The following DLC1 variants were observed in gnomAD, a reference collection of about 807,000 sequenced individuals.
DLC1 encodes the protein DLC1 Rho GTPase activating protein.
A neutral mutation model predicts 140.3 loss-of-function variants in DLC1; 54 were observed. That is an observed-to-expected ratio of 0.38 (90% CI 0.31 to 0.48). The LOEUF is 0.48. DLC1 is among the 20% of genes least tolerant of loss of function. The pLI, the probability that DLC1 is intolerant of heterozygous loss-of-function variation, is 0.96. For synonymous variants in DLC1, 986 were observed against 728.1 expected, an observed-to-expected ratio of 1.35 and a Z score of -5.70; for missense variants, 2,536 against 1,907.0, an observed-to-expected ratio of 1.33 and a Z score of -6.14.
intron 2 of DLC1, among the ~76,000 whole-genome samples, chr8:13,437,125 C>G (rs1428205335): frequency 6.6e-6 from 1 of 152,162 alleles, no homozygotes; most frequent in South Asian, 2.1e-4. Flanking sequence ...CCTCTTTTTG[C>G]TGTCTTCCTC....
chr8:13,346,508 C>T (rs966576013), intron 4 of DLC1, among the ~76,000 whole-genome samples: 8 of 152,172 alleles, frequency 5.3e-5, no homozygotes, highest in Admixed American at 1.3e-4. Flanking sequence ...AGCTAGATTG[C>T]CAAGTCTGTT....
intron 2 of DLC1, among the ~76,000 whole-genome samples, chr8:13,452,910 A>G (rs1245384526): frequency 2.0e-5 from 3 of 152,082 alleles, no homozygotes; most frequent in Non-Finnish European, 4.4e-5. Context: ...TAATTTCCGG[A>G]TGAGAATGGC....
intron 16 of DLC1, 130 bp downstream of exon 16, chr8:13,088,357 C>G (rs1817742131): frequency 9.2e-7 from 1 of 1,088,380 alleles, no homozygotes; most frequent in African/African-American, 1.6e-5. Context: ...GCTGGGATTA[C>G]AGGTGTGAGC....
chr8:13,347,541 C>T (rs1330020299), intron 4 of DLC1, among the ~76,000 whole-genome samples: 2 of 152,126 alleles, frequency 1.3e-5, no homozygotes, highest in African/African-American at 2.4e-5. Flanking sequence ...AATGATCATT[C>T]TTCCTGTGTA....
chr8:13,146,105 T>G (rs577207010), intron 5 of DLC1, among the ~76,000 whole-genome samples: 61 of 152,136 alleles, frequency 4.0e-4, no homozygotes, highest in African/African-American at 1.4e-3. Flanking sequence ...AAACATCGTC[T>G]CTACCAAAAA....
intron 5 of DLC1, among the ~76,000 whole-genome samples, chr8:13,234,318 C>A (rs564649652): frequency 9.9e-5 from 15 of 152,174 alleles, no homozygotes; most frequent in Non-Finnish European, 1.9e-4. Flanking sequence ...TAGCAGCATG[C>A]CATTAACTGT....
chr8:13,362,832 C>T (rs529714169), intron 4 of DLC1, among the ~76,000 whole-genome samples: 23 of 152,222 alleles, frequency 1.5e-4, no homozygotes, highest in African/African-American at 5.5e-4. Context: ...TTAGAATTCT[C>T]TTCTGTTTTG....
chr8:13,433,375 A>G (rs1838974873), intron 2 of DLC1, among the ~76,000 whole-genome samples: 1 of 152,168 alleles, frequency 6.6e-6, no homozygotes, highest in Admixed American at 6.5e-5. Context: ...ACATTTCCAC[A>G]GTGGAAACTT....
chr8:13,123,411 G>A (rs1486418875), intron 5 of DLC1, among the ~76,000 whole-genome samples: 2 of 151,970 alleles, frequency 1.3e-5, no homozygotes, highest in Non-Finnish European at 1.5e-5. Flanking sequence ...CACAATCTTG[G>A]CTCACTGCAA....
intron 4 of DLC1, among the ~76,000 whole-genome samples, chr8:13,319,506 TCTC>T (rs34188814): frequency 0.87 from 128,897 of 148,318 alleles, 56,312 homozygotes; most frequent in Middle Eastern, 0.95. Context: ...CCCTTGCTGT[TCTC>T]CTGATAGTGA....
chr8:13,296,707 G>C (rs1831972499), intron 5 of DLC1, among the ~76,000 whole-genome samples: 1 of 151,642 alleles, frequency 6.6e-6, no homozygotes, highest in Non-Finnish European at 1.5e-5. Flanking sequence ...AAACGAAATG[G>C]GAGGTTTCTG....
chr8:13,495,553 G>A (rs911662035), intron 2 of DLC1, among the ~76,000 whole-genome samples: 1 of 152,002 alleles, frequency 6.6e-6, no homozygotes, highest in African/African-American at 2.4e-5. Context: ...ATCCTATTTA[G>A]AGGAATTATT....
chr8:13,189,032 G>A (rs974039003), intron 5 of DLC1, among the ~76,000 whole-genome samples: 23 of 151,028 alleles, frequency 1.5e-4, no homozygotes, highest in African/African-American at 5.6e-4. Context: ...TATGGACCAA[G>A]CCTTTTCTCA....
intron 1 of DLC1, among the ~76,000 whole-genome samples, chr8:13,554,626 C>G (rs570626388): frequency 6.6e-6 from 1 of 152,094 alleles, no homozygotes; most frequent in East Asian, 1.9e-4. Flanking sequence ...ATTCCCAAAC[C>G]CTCTAAGAAA....
intron 2 of DLC1, among the ~76,000 whole-genome samples, chr8:13,436,557 C>T (rs1261213745): frequency 2.6e-5 from 4 of 151,994 alleles, no homozygotes; most frequent in African/African-American, 7.3e-5. Flanking sequence ...TTGGGCTTTA[C>T]CAATTTAAAA....
intron 4 of DLC1, among the ~76,000 whole-genome samples, chr8:13,367,031 C>G (rs1835516771): frequency 6.6e-6 from 1 of 152,156 alleles, no homozygotes; most frequent in Non-Finnish European, 1.5e-5. Flanking sequence ...TTTCCCTTTC[C>G]TCTCCATGTC....
Position 13,090,319 on chromosome 8 carries a change from A to C in DLC1, c.4007T>G (p.Val1336Gly), listed in dbSNP as rs762305343. The C allele has an allele frequency of 1.1e-5, 18 of 1,613,966 alleles. No homozygotes were observed. Among genetic ancestry groups the C allele is most frequent in the Non-Finnish European group, 1.5e-5 (18 of 1,180,022 alleles). ...QDCVDGLFKEVKEKFKGWVSY... is the reference protein window; with the variant it reads ...QDCVDGLFKEGKEKFKGWVSY... ...GACCCAGCCTTTAAACTTCTCTTTG[A>C]CTTCTTTAAACAGGCCATCCACACA... is the stretch of plus-strand genomic sequence containing the variant. Residue 1336 changes from valine to glycine, a missense_variant, in exon 15 of 18, where the codon GTC becomes GGC. Coordinates refer to ENST00000276297, the MANE Select transcript of DLC1 (RefSeq NM_182643.3).
At chr8:13,387,035 T>TA (rs1358698534) in intron 4 of DLC1, among the ~76,000 whole-genome samples, 40 of 152,078 alleles carry the variant, frequency 2.6e-4, no homozygotes, top group Non-Finnish European at 5.6e-4. Context: ...ATGTTTTAAT[T>TA]AAAAACTGTA....
At chr8:13,254,146 C>T (rs1830117456) in intron 5 of DLC1, among the ~76,000 whole-genome samples, 1 of 151,704 alleles carries the variant, frequency 6.6e-6, no homozygotes, top group Admixed American at 6.6e-5. Flanking sequence ...CCTTCTCCCT[C>T]CTTTCCCCCA....
Sources: allele counts gnomAD v4.1 joint callset (sites outside exome capture counted in the v4.1 genomes callset), GRCh38; gene constraint gnomAD v4.1.1; transcripts MANE v1.5; gene names NCBI Gene and HGNC (gene_info 2026-07-23, HGNC 2026-07-21).